RASGEF1B: variants seen among roughly 807,000 people sequenced by gnomAD.
The protein encoded by RASGEF1B is ras-GEF domain-containing family member 1B.
Under a neutral mutation model 65.7 loss-of-function variants are expected in RASGEF1B, and 30 were observed. The ratio of observed to expected loss-of-function variants is 0.46; its 90% confidence interval spans 0.34 to 0.62. The LOEUF is 0.62. Among genes scored for constraint, RASGEF1B ranks in the 20% least tolerant of loss-of-function variants. The pLI is 0.01. For missense variants in RASGEF1B, 495 were observed against 580.1 expected, an observed-to-expected ratio of 0.85 and a Z score of 1.51; for synonymous variants, 175 against 194.8, an observed-to-expected ratio of 0.90 and a Z score of 0.85.
intron 1 of RASGEF1B, among the ~76,000 whole-genome samples, chr4:81,465,403 A>T (rs896601973): frequency 6.6e-6 from 1 of 152,204 alleles, no homozygotes; most frequent in Non-Finnish European, 1.5e-5. Flanking sequence ...GATATACCCA[A>T]CCCAGGTACA....
chr4:81,439,208 CCAA>C (rs1436758703), intron 10 of RASGEF1B, among the ~76,000 whole-genome samples: 1 of 152,102 alleles, frequency 6.6e-6, no homozygotes, highest in Non-Finnish European at 1.5e-5. Flanking sequence ...ATTTACTTTC[CCAA>C]CAACAGTGTA....
Position 81,447,537 on chromosome 4 carries a change from C to T in RASGEF1B, c.696G>A (p.Ala232=), listed in dbSNP as rs775163018. The T allele has an allele frequency of 1.7e-5, 27 of 1,613,898 alleles. 1 individual carries two copies. Among genetic ancestry groups the T allele is most frequent in the South Asian group, 8.8e-5 (8 of 91,080 alleles). ...TATCCAAAGGGTCCTTCTGCACGAA[C>T]GCCTGAACAAATTCTTCTGGCCCAA... ...NYIGPEEFVQ[A]FVQKDPLDND... Residue 232 remains alanine, a synonymous_variant, in exon 6 of 14, where the codon GCG becomes GCA. Transcript: ENST00000264400.
At chr4:81,471,496 G>C (rs1023824898) in intron 1 of RASGEF1B, among the ~76,000 whole-genome samples, 1 of 152,190 alleles carries the variant, frequency 6.6e-6, no homozygotes, top group African/African-American at 2.4e-5. Context: ...TTGGGGCCGC[G>C]GCAGTCCCAG....
At chr4:81,463,474 C>T (rs919112073) in intron 1 of RASGEF1B, among the ~76,000 whole-genome samples, 1 of 152,076 alleles carries the variant, frequency 6.6e-6, no homozygotes, top group Non-Finnish European at 1.5e-5. Flanking sequence ...GTAATATTTG[C>T]TTGTGTGTAC....
In RASGEF1B at chr4:81,433,821, T is replaced by C; in HGVS notation, c.1324+19A>G. The C allele has an allele frequency of 6.2e-7, 1 of 1,611,582 alleles. No homozygotes were observed. The highest frequency in any genetic ancestry group is 8.5e-7 in the Non-Finnish European group (1 of 1,179,110). The stretch of plus-strand genomic sequence containing the variant: ...AGGATTTGGGGATGCTAGTGGTAGC[T>C]CCTATTGAATGGCCTTACCATCTTC... On this transcript the variant is annotated intron_variant, in intron 12 of 13. Transcript: ENST00000264400.
chr4:81,456,539 A>G (rs1229181831), intron 4 of RASGEF1B, 112 bp downstream of exon 4: 1 of 1,234,744 alleles, frequency 8.1e-7, no homozygotes, highest in African/African-American at 1.5e-5. Flanking sequence ...GGGCTTGCCC[A>G]AAGGCAAAAC....
intron 10 of RASGEF1B, among the ~76,000 whole-genome samples, chr4:81,437,777 G>C (rs1721683181): frequency 6.6e-6 from 1 of 152,178 alleles, no homozygotes; most frequent in Non-Finnish European, 1.5e-5. Context: ...CTGCATGCAA[G>C]AAAGAAGCCT....
chr4:81,466,549 G>A (rs1446407655), intron 1 of RASGEF1B, among the ~76,000 whole-genome samples: 2 of 151,890 alleles, frequency 1.3e-5, no homozygotes, highest in Non-Finnish European at 2.9e-5. Flanking sequence ...CACAAAGTCA[G>A]CAGATCGAGA....
intron 4 of RASGEF1B, chr4:81,450,959 T>G: frequency 6.6e-6 from 1 of 152,230 alleles, no homozygotes; most frequent in Non-Finnish European, 1.5e-5. Context: ...ACATGAGAGT[T>G]AGATACTACT....
chr4:81,447,031 C>T (rs1476858312), intron 6 of RASGEF1B, among the ~76,000 whole-genome samples: 2 of 152,170 alleles, frequency 1.3e-5, no homozygotes, highest in Admixed American at 6.5e-5. Flanking sequence ...GTGGGCTGCA[C>T]CTAGGCAATA....
chr4:81,458,969 A>G (rs1020269231), intron 2 of RASGEF1B: 2 of 165,358 alleles, frequency 1.2e-5, no homozygotes, highest in African/African-American at 2.4e-5. Context: ...TAGCATAGTG[A>G]TGGTCTTGGA....
At chr4:81,428,552 A>G (rs1423942478) in intron 13 of RASGEF1B, among the ~76,000 whole-genome samples, 1 of 152,218 alleles carries the variant, frequency 6.6e-6, no homozygotes, top group Non-Finnish European at 1.5e-5. Flanking sequence ...AAATTAATCT[A>G]GAGATGATTT....
At chr4:81,449,183 T>C (rs988549867) in intron 4 of RASGEF1B, among the ~76,000 whole-genome samples, 9 of 152,330 alleles carry the variant, frequency 5.9e-5, no homozygotes, top group African/African-American at 2.2e-4. Flanking sequence ...TTCTGGCATC[T>C]GACCTCCACT....
chr4:81,456,541 A>C (rs1223954087), intron 4 of RASGEF1B, 110 bp downstream of exon 4: 1 of 1,242,914 alleles, frequency 8.0e-7, no homozygotes, highest in East Asian at 2.3e-5. Context: ...GCTTGCCCAA[A>C]GGCAAAACAG....
chr4:81,436,383 T>C (rs567406645), intron 10 of RASGEF1B, among the ~76,000 whole-genome samples: 93 of 152,318 alleles, frequency 6.1e-4, no homozygotes, highest in African/African-American at 2.1e-3. Context: ...GAAATATGAA[T>C]GTATAAATTA....
At position 81,442,349 on chromosome 4, in the gene RASGEF1B, C is replaced by T. The variant is rs151288385; in HGVS notation, c.956G>A (p.Arg319Gln). Residue 319 changes from arginine (R) to glutamine (Q), a missense_variant, in exon 9 of 14, where the codon CGA becomes CAA. Physicochemically the swap from Arg to Gln is conservative, Grantham distance 43 (BLOSUM62 1). Coordinates refer to ENST00000264400, the MANE Select transcript of RASGEF1B (RefSeq NM_152545.3). ...ISGMNMSPVS[R>Q]LKKTWAKVKT... is the part of the protein sequence containing the mutation. ...CACTTTGGCCCAAGTTTTTTTTAGT[C>T]GAGAGACTGGGCTCATATTCATACC... 4.3e-6 allele frequency: 7 copies of T among 1,612,594 alleles called. No individual in the cohort carries two copies. In the African/African-American group the frequency reaches 6.7e-5, roughly 15 times the overall value.
intron 12 of RASGEF1B, among the ~76,000 whole-genome samples, chr4:81,432,921 T>C (rs1234187858): frequency 6.6e-6 from 1 of 151,972 alleles, no homozygotes; most frequent in East Asian, 1.9e-4. Flanking sequence ...GCATAGGTGA[T>C]ATTAATTAAA....
intron 13 of RASGEF1B, among the ~76,000 whole-genome samples, chr4:81,431,249 T>A (rs944010046): frequency 4.1e-5 from 6 of 147,300 alleles, no homozygotes; most frequent in African/African-American, 1.5e-4. Context: ...ATATTTTATA[T>A]AATATATATA....
chr4:81,433,912 C>T lies in RASGEF1B; in HGVS notation c.1252G>A (p.Val418Met). The T allele has an allele frequency of 6.2e-7, 1 of 1,613,634 alleles. No individual in the cohort carries two copies. The highest frequency in any genetic ancestry group is 8.5e-7 in the Non-Finnish European group (1 of 1,179,552). The change falls in exon 12 of 14, where the codon GTG becomes ATG. Residue 418 changes from valine to methionine, a missense_variant. By Grantham distance (21) the Val-to-Met change is conservative (BLOSUM62 1). Coordinates refer to ENST00000264400, the MANE Select transcript of RASGEF1B (RefSeq NM_152545.3). The part of the protein sequence containing the change: ...QVSEFMTWKQ[V>M]ECPFERDRKI... Reference sequence around the variant, plus strand: ...CGGTCCCTCTCAAATGGACACTCCACTTGTTTCCATGTCATAAATTCACTC... The same window carrying T: ...CGGTCCCTCTCAAATGGACACTCCATTTGTTTCCATGTCATAAATTCACTC...
Sources: gnomAD v4.1 joint callset for allele counts (sites outside exome capture counted in the v4.1 genomes callset) on GRCh38, gnomAD v4.1.1 for gene constraint, MANE v1.5 for transcripts, NCBI Gene and HGNC (gene_info 2026-07-23, HGNC 2026-07-21) for gene names.